The following TBC1D14 variants were observed in gnomAD, a reference collection of about 807,000 sequenced individuals.
The protein encoded by TBC1D14 is TBC1 domain family member 14, also known as TBC1 domain family, member 14.
A neutral mutation model predicts 79.0 loss-of-function variants in TBC1D14; 26 were observed. The ratio of observed to expected loss-of-function variants is 0.33; its 90% CI spans 0.24 to 0.46. TBC1D14 has a LOEUF of 0.46. TBC1D14 is among the 20% of genes least tolerant of loss of function. The pLI is 1.00. For missense variants in TBC1D14, 769 were observed against 887.6 expected (o/e 0.87, Z 1.70); for synonymous variants, 394 against 349.9 (o/e 1.13, Z -1.40).
At chr4:6,970,073 G>C (rs896307711) in intron 3 of TBC1D14, among the ~76,000 whole-genome samples, 1 of 152,226 alleles carries the variant, frequency 6.6e-6, no homozygotes, top group Non-Finnish European at 1.5e-5. Context: ...ACTTGAGAGA[G>C]GCAGGCGCTG....
chr4:6,989,625 G>C (rs115510281), intron 3 of TBC1D14, among the ~76,000 whole-genome samples: 1,642 of 152,254 alleles, frequency 0.011, 14 homozygotes, highest in Middle Eastern at 0.038. Flanking sequence ...TGCCCCTGTC[G>C]AGTGAGCCCT....
At position 6,994,253 on chromosome 4, in the gene TBC1D14, G is replaced by C. The variant is rs1718788860; in HGVS notation, c.913G>C (p.Asp305His). 6.2e-7 allele frequency: 1 copy of C among 1,614,164 alleles called. No individual in the cohort carries two copies. The highest frequency in any genetic ancestry group is 8.5e-7 in the Non-Finnish European group (1 of 1,180,028). Residue 305 changes from aspartate to histidine, a missense_variant, in exon 4 of 14, where the codon GAC becomes CAC. Transcript: ENST00000409757. Reference sequence around the variant, plus strand: ...AAAGCAGAATGTGAGGAAGAATCTTGACTTTGAACCACTTTCCACCACCGC... The same window carrying C: ...AAAGCAGAATGTGAGGAAGAATCTTCACTTTGAACCACTTTCCACCACCGC... Reference protein sequence around the residue: ...SPKQNVRKNLDFEPLSTTALI... With the variant: ...SPKQNVRKNLHFEPLSTTALI...
chr4:6,977,862 T>C (rs1716915173), intron 3 of TBC1D14, among the ~76,000 whole-genome samples: 1 of 148,508 alleles, frequency 6.7e-6, no homozygotes. Flanking sequence ...CCGCCCATCG[T>C]CTGAGATGTG....
intron 13 of TBC1D14, among the ~76,000 whole-genome samples, chr4:7,026,330 C>T (rs1239068978): frequency 6.6e-6 from 1 of 152,210 alleles, no homozygotes; most frequent in African/African-American, 2.4e-5. Context: ...GGCACCGTGT[C>T]ACCTGTTGGT....
intron 2 of TBC1D14, among the ~76,000 whole-genome samples, chr4:6,962,570 G>A (rs1715321858): frequency 6.6e-6 from 1 of 152,066 alleles, no homozygotes; most frequent in Non-Finnish European, 1.5e-5. Flanking sequence ...CCACTGAAGG[G>A]CCCTTTGTTG....
chr4:6,953,026 T>TC (rs112342269), intron 2 of TBC1D14, among the ~76,000 whole-genome samples: 2,491 of 135,916 alleles, frequency 0.018, 74 homozygotes, highest in African/African-American at 0.061. Context: ...TTTCTTTCTT[T>TC]TTTTTTTTTT....
At chr4:6,978,117 G>C (rs1311702128) in intron 3 of TBC1D14, among the ~76,000 whole-genome samples, 3 of 149,046 alleles carry the variant, frequency 2.0e-5, no homozygotes, top group African/African-American at 7.4e-5. Context: ...GGAGGGAGGT[G>C]GGGGGGTCAG....
intron 2 of TBC1D14, among the ~76,000 whole-genome samples, chr4:6,927,767 A>T (rs1003181828): frequency 6.6e-6 from 1 of 152,218 alleles, no homozygotes; most frequent in Admixed American, 6.5e-5. Flanking sequence ...GTCTCCAGAC[A>T]TTGCCAGATA....
chr4:6,932,078 T>G (rs1374208551), intron 2 of TBC1D14, among the ~76,000 whole-genome samples: 3 of 151,838 alleles, frequency 2.0e-5, no homozygotes, highest in Non-Finnish European at 4.4e-5. Context: ...GACTTGAAGG[T>G]GGCCAGGCGG....
chr4:6,932,276 C>A (rs939932186), intron 2 of TBC1D14, among the ~76,000 whole-genome samples: 1 of 151,518 alleles, frequency 6.6e-6, no homozygotes, highest in African/African-American at 2.4e-5. Context: ...AGGAGAATTG[C>A]TTGAACCATT....
rs772912380 is a variant in TBC1D14 at position 7,010,777 on chromosome 4, G to A, written c.1643G>A (p.Gly548Asp). 28 of 1,613,486 alleles carry A rather than the reference G, an allele frequency of 1.7e-5. No individual in the cohort carries two copies. Among genetic ancestry groups the A allele is most frequent in the Non-Finnish European group, 2.3e-5 (27 of 1,179,792 alleles). The change falls in exon 11 of 14, where the codon GGC becomes GAC. Residue 548 changes from glycine to aspartate, a missense_variant. Transcript: ENST00000409757. ...CQMAFFRVDHGLMLTYFAAFE... is the reference protein window; with the variant it reads ...CQMAFFRVDHDLMLTYFAAFE... Reference sequence around the variant, plus strand: ...ATGGCGTTTTTTAGAGTGGACCATGGCCTTGTGAGTATCCTCTGTGTTCGG... The same window carrying A: ...ATGGCGTTTTTTAGAGTGGACCATGACCTTGTGAGTATCCTCTGTGTTCGG...
At chr4:6,984,370 A>G (rs931870828) in intron 3 of TBC1D14, among the ~76,000 whole-genome samples, 2 of 152,152 alleles carry the variant, frequency 1.3e-5, no homozygotes, top group African/African-American at 2.4e-5. Context: ...AGGACTCCTC[A>G]TTGTGGTCTC....
chr4:6,995,545 C>T (rs1014556395), intron 4 of TBC1D14: 2 of 149,980 alleles, frequency 1.3e-5, no homozygotes, highest in Non-Finnish European at 2.9e-5. Context: ...TGGAGTCTTG[C>T]TCTGTTGCCC....
chr4:6,928,588 T>C (rs1031123278), intron 2 of TBC1D14, among the ~76,000 whole-genome samples: 1 of 152,142 alleles, frequency 6.6e-6, no homozygotes, highest in Non-Finnish European at 1.5e-5. Context: ...ATCCCAGCAC[T>C]TTGGGAGGCT....
At chr4:6,910,696 G>A (rs1226203506) in intron 1 of TBC1D14, 2 of 152,162 alleles carry the variant, frequency 1.3e-5, no homozygotes, top group South Asian at 2.1e-4. Context: ...GAGGATAGGA[G>A]AATGACCCTG....
chr4:6,923,745 AGC>A lies in TBC1D14; in HGVS notation c.358_359del (p.Arg120GlyfsTer16). ...GCGCCACCAGCTCCTAGCAGCACCG[AGC>A]GGGAACAGAGCGTGCGCAAATCCTC... On this transcript the variant is annotated frameshift_variant, in exon 2 of 14. Transcript: ENST00000409757. LOFTEE classifies it high-confidence loss of function. 1 of 1,613,998 alleles carries A rather than the reference AGC, an allele frequency of 6.2e-7. No homozygotes were observed. Among genetic ancestry groups the A allele is most frequent in the Non-Finnish European group, 8.5e-7 (1 of 1,180,048 alleles).
intron 2 of TBC1D14, among the ~76,000 whole-genome samples, chr4:6,958,003 C>T (rs1714812344): frequency 6.6e-6 from 1 of 151,252 alleles, no homozygotes; most frequent in African/African-American, 2.4e-5. Flanking sequence ...TCCTAACCCT[C>T]TTGGCGATGT....
In TBC1D14 at chr4:6,941,197, T is replaced by C. The variant is rs866562875; in HGVS notation, c.722+17086T>C. Reference sequence around the variant, plus strand: ...GAAAGCAGCTTTTTTTTTTTTTTTTTTTTTTTGAGATGCGGTCTCACTCTG... The same window carrying C: ...GAAAGCAGCTTTTTTTTTTTTTTTTCTTTTTTGAGATGCGGTCTCACTCTG... On this transcript the variant is annotated intron_variant, in intron 2 of 13. Coordinates refer to ENST00000409757, the MANE Select transcript of TBC1D14 (RefSeq NM_020773.3). Among the ~76,000 whole-genome samples, 393 of 147,698 alleles carry C rather than the reference T, an allele frequency of 2.7e-3. 3 individuals carry two copies. Among genetic ancestry groups the C allele is most frequent in the Admixed American group, 0.012 (180 of 14,836 alleles).
rs542390771 is a variant in TBC1D14 at position 7,031,609 on chromosome 4, G to A, written c.*1217G>A. 5.7e-4 allele frequency: 87 copies of A among 152,350 alleles called. No homozygotes were observed. Among genetic ancestry groups the A allele is most frequent in the African/African-American group, 2.0e-3 (83 of 41,574 alleles). 9.4% of individuals were successfully genotyped at this position (152,350 alleles called of 1,614,324 possible). On this transcript the variant is annotated 3_prime_UTR_variant, in exon 14 of 14. Transcript: ENST00000409757. ...TTATCCAAAATCACAGAAATGAACC[G>A]TTTTGCAGCTGCGCAGTCTAAAGGG...
Sources: allele counts gnomAD v4.1 joint callset (sites outside exome capture counted in the v4.1 genomes callset), GRCh38; gene constraint gnomAD v4.1.1; transcripts MANE v1.5; gene names NCBI Gene and HGNC (gene_info 2026-07-23, HGNC 2026-07-21).